Variants in ANGPT1 observed in about 807,000 individuals in gnomAD.
ANGPT1 encodes the protein angiopoietin 1.
A neutral mutation model predicts 62.2 loss-of-function variants in ANGPT1; 17 were observed. The observed-to-expected ratio is 0.27, with a 90% CI of 0.19 to 0.41. ANGPT1 has a LOEUF of 0.41. Among genes scored for constraint, ANGPT1 ranks in the 10% least tolerant of loss-of-function variants. ANGPT1 has a pLI of 1.00. For synonymous variants in ANGPT1, 199 were observed against 198.9 expected, an observed-to-expected ratio of 1.00 and a Z score of 0.00; for missense variants, 478 against 594.9, an observed-to-expected ratio of 0.80 and a Z score of 2.04.
chr8:107,282,091 G>A (rs1282632796), intron 7 of ANGPT1, among the ~76,000 whole-genome samples: 1 of 151,216 alleles, frequency 6.6e-6, no homozygotes, highest in Admixed American at 6.6e-5. Flanking sequence ...TCTGTTTTCA[G>A]GCTTCTGTTC....
intron 1 of ANGPT1, among the ~76,000 whole-genome samples, chr8:107,429,074 A>T (rs1811111038): frequency 6.6e-6 from 1 of 152,248 alleles, no homozygotes; most frequent in African/African-American, 2.4e-5. Context: ...CAAACAAGCG[A>T]CAATCAATAG....
intron 1 of ANGPT1, among the ~76,000 whole-genome samples, chr8:107,487,309 C>T (rs902282169): frequency 1.3e-5 from 2 of 152,058 alleles, no homozygotes; most frequent in African/African-American, 4.8e-5. Context: ...ATCTTTTTGT[C>T]TTGCCTGGTC....
intron 1 of ANGPT1, among the ~76,000 whole-genome samples, chr8:107,484,441 A>T (rs1014575190): frequency 6.6e-6 from 1 of 152,078 alleles, no homozygotes; most frequent in African/African-American, 2.4e-5. Flanking sequence ...TCACTCTGTC[A>T]CCCAGACTGG....
chr8:107,335,495 C>A (rs1358730521), intron 3 of ANGPT1, among the ~76,000 whole-genome samples: 1 of 151,964 alleles, frequency 6.6e-6, no homozygotes, highest in Non-Finnish European at 1.5e-5. Flanking sequence ...TTTCATTGTC[C>A]CAGCATTCAA....
intron 2 of ANGPT1, among the ~76,000 whole-genome samples, chr8:107,344,118 T>C (rs190642137): frequency 6.6e-6 from 1 of 152,272 alleles, no homozygotes; most frequent in Admixed American, 6.5e-5. Context: ...ATCTACCTTA[T>C]AGAATTCATT....
At chr8:107,422,250 C>G (rs550584408) in intron 1 of ANGPT1, among the ~76,000 whole-genome samples, 11 of 152,236 alleles carry the variant, frequency 7.2e-5, no homozygotes, top group Admixed American at 1.3e-4. Flanking sequence ...CAATCTGATT[C>G]CCCATTTAAA....
At chr8:107,275,440 T>C (rs1468487997) in intron 7 of ANGPT1, among the ~76,000 whole-genome samples, 1 of 152,134 alleles carries the variant, frequency 6.6e-6, no homozygotes, top group Admixed American at 6.6e-5. Flanking sequence ...CTAATACCAA[T>C]TTGCCACATT....
intron 1 of ANGPT1, among the ~76,000 whole-genome samples, chr8:107,459,986 T>C (rs1271252347): frequency 1.3e-5 from 2 of 152,184 alleles, no homozygotes; most frequent in South Asian, 2.1e-4. Flanking sequence ...CAAATGATTG[T>C]TGGCAGACTT....
intron 7 of ANGPT1, among the ~76,000 whole-genome samples, chr8:107,265,559 C>G (rs1021331849): frequency 1.3e-5 from 2 of 152,116 alleles, no homozygotes; most frequent in African/African-American, 4.8e-5. Flanking sequence ...AAGACTCTAG[C>G]CCCTCTCTCT....
chr8:107,470,650 T>C (rs1323359433), intron 1 of ANGPT1, among the ~76,000 whole-genome samples: 3 of 152,158 alleles, frequency 2.0e-5, no homozygotes, highest in Non-Finnish European at 4.4e-5. Context: ...ATCCCATTTG[T>C]CAATTTTGGC....
chr8:107,493,640 C>A (rs920107721), intron 1 of ANGPT1, among the ~76,000 whole-genome samples: 5 of 150,258 alleles, frequency 3.3e-5, no homozygotes, highest in African/African-American at 1.2e-4. Flanking sequence ...CAGTAAAGTG[C>A]AGAATGCAAT....
chr8:107,350,264 CTG>C (rs930350496), intron 1 of ANGPT1, among the ~76,000 whole-genome samples: 12 of 152,258 alleles, frequency 7.9e-5, no homozygotes, highest in African/African-American at 2.9e-4. Context: ...ATCAAGAAAT[CTG>C]TCTTTCTATG....
chr8:107,278,929 C>T (rs1453068834), intron 7 of ANGPT1, among the ~76,000 whole-genome samples: 1 of 152,158 alleles, frequency 6.6e-6, no homozygotes, highest in Non-Finnish European at 1.5e-5. Flanking sequence ...TATGTTTTAA[C>T]CTTATTTCCG....
At chr8:107,312,543 A>G (rs1274130279) in intron 4 of ANGPT1, among the ~76,000 whole-genome samples, 3 of 152,232 alleles carry the variant, frequency 2.0e-5, no homozygotes, top group African/African-American at 4.8e-5. Context: ...TTTTAAGTAA[A>G]TAAGTCCTGA....
chr8:107,323,208 A>T (rs796390301), intron 3 of ANGPT1, among the ~76,000 whole-genome samples: 5 of 152,318 alleles, frequency 3.3e-5, no homozygotes, highest in African/African-American at 1.2e-4. Context: ...GGAGCCTACC[A>T]ACTGACTGGA....
At chr8:107,384,830 C>T (rs1216582275) in intron 1 of ANGPT1, among the ~76,000 whole-genome samples, 5 of 152,088 alleles carry the variant, frequency 3.3e-5, no homozygotes, top group Admixed American at 3.3e-4. Flanking sequence ...TTTCAATCTT[C>T]TACATATGGC....
intron 1 of ANGPT1, among the ~76,000 whole-genome samples, chr8:107,420,353 G>A (rs948654280): frequency 4.6e-5 from 7 of 152,072 alleles, no homozygotes; most frequent in African/African-American, 1.4e-4. Context: ...CAAGGTAGTC[G>A]TGTACCATAC....
In ANGPT1 at chr8:107,321,945, C is replaced by T; in HGVS notation, c.759G>A (p.Glu253=). The T allele has an allele frequency of 6.2e-7, 1 of 1,613,994 alleles. No homozygotes were observed. The highest frequency in any genetic ancestry group is 8.5e-7 in the Non-Finnish European group (1 of 1,179,888). Residue 253 remains glutamate, a synonymous_variant, in exon 4 of 9, where the codon GAG becomes GAA. Coordinates refer to ENST00000517746, the MANE Select transcript of ANGPT1 (RefSeq NM_001146.5). ...CAAGGTTGTGGACTGTGTCCATCAG[C>T]TCCAGTTGCTGCTTCTGAAGGACAC... ...NNSVLQKQQL[E]LMDTVHNLVN... is the part of the protein sequence containing the mutation.
At chr8:107,342,858 T>C (rs1018673217) in intron 2 of ANGPT1, among the ~76,000 whole-genome samples, 2 of 149,610 alleles carry the variant, frequency 1.3e-5, no homozygotes, top group African/African-American at 2.5e-5. Context: ...TATTTAAAGA[T>C]AGGGTCTTGC....
Sources: allele counts gnomAD v4.1 joint callset (sites outside exome capture counted in the v4.1 genomes callset), GRCh38; gene constraint gnomAD v4.1.1; transcripts MANE v1.5; gene names NCBI Gene and HGNC (gene_info 2026-07-23, HGNC 2026-07-21).